Variants in EFHC1 observed in about 807,000 individuals in gnomAD.
EFHC1 encodes the protein EF-hand domain containing 1.
Under a neutral mutation model 69.9 loss-of-function variants are expected in EFHC1, and 53 were observed. That is an observed-to-expected ratio of 0.76 (90% confidence interval 0.61 to 0.95). The LOEUF is 0.95. EFHC1 is among the 40% of genes least tolerant of loss of function. The pLI, the probability that EFHC1 is intolerant of heterozygous loss-of-function variation, is 0.00. For synonymous variants in EFHC1, 256 were observed against 278.4 expected, an observed-to-expected ratio of 0.92 and a Z score of 0.80; for missense variants, 739 against 798.7, an observed-to-expected ratio of 0.93 and a Z score of 0.90.
At position 52,423,962 on chromosome 6, in the gene EFHC1, G is replaced by T; in HGVS notation, c.80G>T (p.Arg27Ile). Reference protein sequence around the residue: ...FKDSTKTAFHRSQTLSYRNGY... With the variant: ...FKDSTKTAFHISQTLSYRNGY... ...CTTCTTCAGAAAACAGCCTTCCACA[G>T]AAGTCAGACGCTGAGCTACAGGAAC... Residue 27 changes from arginine to isoleucine, a missense_variant, in exon 2 of 11, where the codon AGA (arginine) becomes ATA (isoleucine). Transcript: ENST00000371068. 2 of 1,613,920 alleles carry T rather than the reference G, an allele frequency of 1.2e-6. No homozygotes were observed. The highest frequency in any genetic ancestry group is 1.7e-6 in the Non-Finnish European group (2 of 1,179,976).
chr6:52,481,557 G>T (rs1010524937), intron 9 of EFHC1: 1 of 149,082 alleles, frequency 6.7e-6, no homozygotes, highest in African/African-American at 2.5e-5. Flanking sequence ...ATCTCGCTCT[G>T]TACCCAGGCT....
Position 52,463,099 on chromosome 6 carries a change from C to T in EFHC1, c.917-1796C>T, listed in dbSNP as rs573558126. Among the ~76,000 whole-genome samples the T allele has an allele frequency of 2.2e-3, 328 of 151,844 alleles. 2 individuals carry two copies. The highest frequency in any genetic ancestry group is 3.3e-3 in the Non-Finnish European group (226 of 67,918). ...CTGGAGTGCAGTGGCCTGATCTCGG[C>T]TCACTGCAAGCTCCGCCTCCCGGGT... On this transcript the variant is annotated intron_variant, in intron 5 of 10. Coordinates refer to ENST00000371068, the MANE Select transcript of EFHC1 (RefSeq NM_018100.4).
chr6:52,479,958 C>A, intron 9 of EFHC1, 171 bp downstream of exon 9: 1 of 1,022,746 alleles, frequency 9.8e-7, no homozygotes, highest in Non-Finnish European at 1.4e-6. Flanking sequence ...TAACTTAGAA[C>A]TTTTTCAACT....
chr6:52,470,728 T>G (rs993810694), intron 7 of EFHC1, among the ~76,000 whole-genome samples: 1 of 152,122 alleles, frequency 6.6e-6, no homozygotes, highest in East Asian at 1.9e-4. Context: ...CTCCTATGAG[T>G]CTGTAAACTG....
rs763758335 is a variant in EFHC1 at position 52,478,998 on chromosome 6, A to G, written c.1279-39A>G. 4.4e-6 allele frequency: 7 copies of G among 1,598,372 alleles called. No homozygotes were observed. In the South Asian group the frequency reaches 7.7e-5, roughly 18 times the overall value. On this transcript the variant is annotated intron_variant, in intron 7 of 10. Coordinates refer to ENST00000371068, the MANE Select transcript of EFHC1 (RefSeq NM_018100.4). ...TTAAGTTGGCACATCTGCATAGACC[A>G]TGAACCTTCATAATATCCTCTTTTC...
At chr6:52,475,654 C>A (rs746716717) in intron 7 of EFHC1, among the ~76,000 whole-genome samples, 5 of 152,094 alleles carry the variant, frequency 3.3e-5, no homozygotes, top group Admixed American at 3.3e-4. Flanking sequence ...TATTTTATAG[C>A]CTCTGATATT....
chr6:52,439,845 A>G (rs1764621208), intron 3 of EFHC1, among the ~76,000 whole-genome samples: 1 of 152,152 alleles, frequency 6.6e-6, no homozygotes, highest in Admixed American at 6.6e-5. Flanking sequence ...CCGTTCCAAC[A>G]TATTTTTATC....
At chr6:52,451,532 C>A (rs998334719) in intron 3 of EFHC1, among the ~76,000 whole-genome samples, 1 of 152,124 alleles carries the variant, frequency 6.6e-6, no homozygotes, top group African/African-American at 2.4e-5. Context: ...TCCCTTTGTA[C>A]GTGACCTGCC....
chr6:52,489,684 A>C (rs111487394), intron 9 of EFHC1, among the ~76,000 whole-genome samples: 5 of 152,348 alleles, frequency 3.3e-5, no homozygotes, highest in African/African-American at 1.2e-4. Context: ...AGAGGGAATA[A>C]TATTAAAACT....
Position 52,492,547 on chromosome 6 carries a change from A to G in EFHC1, c.*206A>G, listed in dbSNP as rs1192834360. 3 of 683,608 alleles carry G rather than the reference A, an allele frequency of 4.4e-6. No individual in the cohort carries two copies. Among genetic ancestry groups the G allele is most frequent in the East Asian group, 2.8e-5 (1 of 35,512 alleles). 42.3% of individuals were successfully genotyped at this position (683,608 alleles called of 1,614,324 possible). A position where few individuals can be genotyped will look rare whatever the true frequency, so the allele number is the denominator to read the frequency against. ...TATTTAGGGTGATAGGGGTATAGCA[A>G]TGTCTAATTTTGTGTGTCAAATTGA... On this transcript the variant is annotated 3_prime_UTR_variant, in exon 11 of 11. Transcript: ENST00000371068.
Position 52,480,048 on chromosome 6 carries a change from C to A in EFHC1, c.1640+261C>A. ...CAGCCTCCCTCCACAGCTGAAAATTCATGTATAACTTTTGACACCCCAAAA... is the reference window on the plus strand; with the variant it reads ...CAGCCTCCCTCCACAGCTGAAAATTAATGTATAACTTTTGACACCCCAAAA... On this transcript the variant is annotated intron_variant, in intron 9 of 10. Transcript: ENST00000371068. 6 of 620,528 alleles carry A rather than the reference C, an allele frequency of 9.7e-6. No individual in the cohort carries two copies. In the South Asian group the frequency reaches 1.0e-4, roughly 10 times the overall value. 38.4% of individuals were successfully genotyped at this position (620,528 alleles called of 1,614,324 possible).
chr6:52,436,198 C>A (rs1764529016), intron 2 of EFHC1, among the ~76,000 whole-genome samples: 1 of 152,182 alleles, frequency 6.6e-6, no homozygotes, highest in Non-Finnish European at 1.5e-5. Context: ...TCAACATTAT[C>A]TGTCCTTTGC....
At position 52,479,265 on chromosome 6, in the gene EFHC1, A is replaced by T; in HGVS notation, c.1492+15A>T. ...TGTGATTGAAGGTAGGTCTAAACAC[A>T]GTCCAGAATTTCCTACTGGCTGCCT... is the stretch of plus-strand genomic sequence containing the variant. On this transcript the variant is annotated intron_variant, in intron 8 of 10. Transcript: ENST00000371068. 9 of 1,613,676 alleles carry T rather than the reference A, an allele frequency of 5.6e-6. No homozygotes were observed. Among genetic ancestry groups the T allele is most frequent in the Non-Finnish European group, 6.8e-6 (8 of 1,179,800 alleles).
chr6:52,493,365 C>CATACATATATATATATATAT lies in EFHC1; in HGVS notation c.*1027_*1028insCATATATATATATATATATA, dbSNP rs1554262448. On this transcript the variant is annotated 3_prime_UTR_variant, in exon 11 of 11. Coordinates refer to ENST00000371068, the MANE Select transcript of EFHC1 (RefSeq NM_018100.4). Reference sequence around the variant, plus strand: ...ATAACTCTCTCTTTCTCTCTCTCTACATATATATATATATATATATTTTAT... The same window carrying CATACATATATATATATATAT: ...ATAACTCTCTCTTTCTCTCTCTCTACATACATATATATATATATATATATATATATATATATATATTTTAT... The CATACATATATATATATATAT allele has an allele frequency of 3.1e-5, 5 of 163,078 alleles. 1 individual carries two copies. The highest frequency in any genetic ancestry group is 1.7e-4 in the African/African-American group (4 of 23,148). 10.1% of individuals were successfully genotyped at this position (163,078 alleles called of 1,614,324 possible).
In EFHC1 at chr6:52,438,478, C is replaced by G. The variant is rs1290664966; in HGVS notation, c.460C>G (p.Leu154Val). 1 of 1,613,956 alleles carries G rather than the reference C, an allele frequency of 6.2e-7. No individual in the cohort carries two copies. The highest frequency in any genetic ancestry group is 8.5e-7 in the Non-Finnish European group (1 of 1,179,998). The stretch of plus-strand genomic sequence containing the variant: ...AGGCAAGTTAATAAAACGCCAGCGG[C>G]TAGCCAAGAATGACCGGGGTGACCA... ...LQGKLIKRQR[L>V]AKNDRGDHYH... Residue 154 changes from leucine (L) to valine (V), a missense_variant, in exon 3 of 11, where the codon CTA becomes GTA. Physicochemically the swap from Leu to Val is conservative, Grantham distance 32. Coordinates refer to ENST00000371068, the MANE Select transcript of EFHC1 (RefSeq NM_018100.4).
chr6:52,451,037 T>C (rs1464963629), intron 3 of EFHC1, among the ~76,000 whole-genome samples: 2 of 152,182 alleles, frequency 1.3e-5, no homozygotes, highest in Admixed American at 6.5e-5. Flanking sequence ...TGACCTCAAG[T>C]GATCCACCCA....
chr6:52,423,682 TTTAG>T, intron 1 of EFHC1: 2 of 432,492 alleles, frequency 4.6e-6, no homozygotes, highest in Non-Finnish European at 4.0e-6. Context: ...TTTTTTTTTT[TTTAG>T]TTTTTGTAGA....
At position 52,495,021 on chromosome 6, in the gene EFHC1, G is replaced by A. The variant is rs1012888098; in HGVS notation, c.*2680G>A. 10 of 453,848 alleles carry A rather than the reference G, an allele frequency of 2.2e-5. No homozygotes were observed. The highest frequency in any genetic ancestry group is 4.0e-5 in the Non-Finnish European group (9 of 226,772). 28.1% of individuals were successfully genotyped at this position (453,848 alleles called of 1,614,324 possible). ...TGAGTTCTTAGAACTCTTTCCAACC[G>A]GAAACTGCCCAGTGCACCACTCTCA... On this transcript the variant is annotated 3_prime_UTR_variant, in exon 11 of 11. Transcript: ENST00000371068.
intron 9 of EFHC1, chr6:52,484,057 A>G (rs1253782803): frequency 1.3e-5 from 2 of 152,220 alleles, no homozygotes; most frequent in African/African-American, 4.8e-5. Context: ...TTTACATAGA[A>G]TAAATAGCAT....
Sources: allele counts gnomAD v4.1 joint callset (sites outside exome capture counted in the v4.1 genomes callset), GRCh38; gene constraint gnomAD v4.1.1; transcripts MANE v1.5; gene names NCBI Gene and HGNC (gene_info 2026-07-23, HGNC 2026-07-21).